Variants in KIZ observed in about 807,000 individuals in gnomAD.
The protein encoded by KIZ is centrosomal protein kizuna.
In KIZ, 68 loss-of-function variants were observed where a neutral mutation model predicts 79.6. That is an observed-to-expected ratio of 0.85 (90% CI 0.70 to 1.05). KIZ has a LOEUF of 1.05. Among genes scored for constraint, KIZ ranks in the 50% least tolerant of loss-of-function variants. KIZ has a pLI of 0.00. For synonymous variants in KIZ, 280 were observed against 281.8 expected (o/e 0.99, Z 0.06); for missense variants, 797 against 800.4 (o/e 1.00, Z 0.05).
intron 6 of KIZ, among the ~76,000 whole-genome samples, chr20:21,190,379 A>G (rs2035059361): frequency 6.6e-6 from 1 of 152,244 alleles, no homozygotes; most frequent in South Asian, 2.1e-4. Context: ...TAAAAGGATT[A>G]GCGCTAGCCA....
At chr20:21,149,430 C>T (rs911880576) in intron 4 of KIZ, among the ~76,000 whole-genome samples, 7 of 152,186 alleles carry the variant, frequency 4.6e-5, no homozygotes, top group African/African-American at 1.4e-4. Flanking sequence ...ATAAAAGAAG[C>T]GTCCGTTTCG....
At chr20:21,166,163 T>TTTGTCCA in intron 6 of KIZ, 1 of 926,712 alleles carries the variant, frequency 1.1e-6, no homozygotes, top group Admixed American at 2.4e-5. Context: ...TTTTTTTTTT[T>TTTGTCCA]TGTCCATGAG....
chr20:21,201,209 G>T (rs1364861952), intron 6 of KIZ, among the ~76,000 whole-genome samples: 3 of 151,980 alleles, frequency 2.0e-5, no homozygotes, highest in Non-Finnish European at 4.4e-5. Context: ...CATATGCAAA[G>T]TTTACTATTA....
At position 21,126,156 on chromosome 20, in the gene KIZ, C is replaced by T. The variant is rs1406627070; in HGVS notation, c.41C>T (p.Pro14Leu). Residue 14 changes from proline to leucine, a missense_variant, in exon 1 of 13, where the codon CCC (proline) becomes CTC (leucine). Physicochemically the swap from Pro to Leu is moderately conservative, Grantham distance 98. Transcript: ENST00000619189. ...GCATCGGCCGTGCCCCTGTCGAGTC[C>T]CGACTACTACGAGAGGCTGGGCCAA... ...TLASAVPLSS[P>L]DYYERLGQLQ... The T allele has an allele frequency of 2.6e-6, 4 of 1,511,572 alleles. No individual in the cohort carries two copies. Among genetic ancestry groups the T allele is most frequent in the Non-Finnish European group, 3.5e-6 (4 of 1,128,836 alleles). 93.6% of individuals were successfully genotyped at this position (1,511,572 alleles called of 1,614,324 possible). A position where few individuals can be genotyped will look rare whatever the true frequency, so the allele number is the denominator to read the frequency against.
chr20:21,227,792 A>T lies in KIZ; in HGVS notation c.1679-1219A>T, dbSNP rs570695809. Among the ~76,000 whole-genome samples, 27 of 152,296 alleles carry T rather than the reference A, an allele frequency of 1.8e-4. No individual in the cohort carries two copies. The South Asian group carries it at 2.1e-3, about 12-fold the overall frequency. On this transcript the variant is annotated intron_variant, in intron 9 of 12. Transcript: ENST00000619189. ...CACACATACACACATTACACAAAAC[A>T]GTACTTTCCCCTCTGTATGCACTGT...
At chr20:21,169,575 C>G (rs1009724958) in intron 6 of KIZ, among the ~76,000 whole-genome samples, 2 of 152,222 alleles carry the variant, frequency 1.3e-5, no homozygotes, top group African/African-American at 4.8e-5. Flanking sequence ...TATCCCATTA[C>G]TGGGTATATA....
At chr20:21,245,251 A>G (rs2037349872) in intron 12 of KIZ, 1 of 152,192 alleles carries the variant, frequency 6.6e-6, no homozygotes. Context: ...AGGCCTAGGA[A>G]TCTGCCTTTT....
chr20:21,141,819 A>ACTCTCTCT (rs772824213), intron 3 of KIZ, among the ~76,000 whole-genome samples: 4 of 142,394 alleles, frequency 2.8e-5, no homozygotes, highest in Admixed American at 2.8e-4. Flanking sequence ...ACACACACAC[A>ACTCTCTCT]CACACTCTCT....
chr20:21,216,691 T>C (rs1431998622), intron 9 of KIZ, among the ~76,000 whole-genome samples: 2 of 152,220 alleles, frequency 1.3e-5, no homozygotes, highest in African/African-American at 2.4e-5. Context: ...GAAATGTAGA[T>C]GATCCCAAAC....
chr20:21,240,762 TC>T (rs765235587), intron 11 of KIZ, among the ~76,000 whole-genome samples: 4 of 152,256 alleles, frequency 2.6e-5, no homozygotes, highest in Non-Finnish European at 5.9e-5. Context: ...GGAAGAAAAT[TC>T]AAAGAATAAT....
chr20:21,133,196 A>G (rs146588827), intron 2 of KIZ: 12 of 152,364 alleles, frequency 7.9e-5, no homozygotes, highest in African/African-American at 1.9e-4. Context: ...CAAATTACCT[A>G]TTAGGTCAGT....
At chr20:21,191,175 A>G (rs535493113) in intron 6 of KIZ, among the ~76,000 whole-genome samples, 1 of 152,360 alleles carries the variant, frequency 6.6e-6, no homozygotes, top group South Asian at 2.1e-4. Context: ...TATTCAACAA[A>G]TAGTTACTAG....
Position 21,153,428 on chromosome 20 carries a change from C to A in KIZ, c.405+7774C>A, listed in dbSNP as rs144035074. 7.2e-5 allele frequency among the ~76,000 whole-genome samples: 11 copies of A among 151,874 alleles called. No homozygotes were observed. In the East Asian group the frequency reaches 1.9e-3, roughly 27 times the overall value. Reference sequence around the variant, plus strand: ...TAATTTACAGAATACACCATTAAAGCCTAATTTAACAGATATATCTTAAAT... The same window carrying A: ...TAATTTACAGAATACACCATTAAAGACTAATTTAACAGATATATCTTAAAT... On this transcript the variant is annotated intron_variant, in intron 4 of 12. Coordinates refer to ENST00000619189, the MANE Select transcript of KIZ (RefSeq NM_018474.6).
chr20:21,205,658 T>TAA (rs11478463), intron 7 of KIZ, 74 bp downstream of exon 7: 320 of 498,668 alleles, frequency 6.4e-4, no homozygotes, highest in South Asian at 1.5e-3. Flanking sequence ...AATTTTTATT[T>TAA]AAAAAAAAAA....
intron 3 of KIZ, among the ~76,000 whole-genome samples, chr20:21,144,678 T>C (rs1478902128): frequency 6.6e-6 from 1 of 152,188 alleles, no homozygotes; most frequent in Non-Finnish European, 1.5e-5. Flanking sequence ...TCAGTTTGGT[T>C]ATTATTGCCC....
intron 6 of KIZ, among the ~76,000 whole-genome samples, chr20:21,181,626 T>A (rs918647819): frequency 1.3e-5 from 2 of 152,096 alleles, no homozygotes; most frequent in African/African-American, 2.4e-5. Context: ...GCCTGGCTAA[T>A]TTTTGTATTT....
intron 5 of KIZ, 84 bp downstream of exon 5, chr20:21,162,591 C>G: frequency 9.5e-7 from 1 of 1,053,210 alleles, no homozygotes; most frequent in East Asian, 2.5e-5. Context: ...AATTATCTCT[C>G]TTTCATAAAA....
chr20:21,136,186 G>T (rs376705946), intron 2 of KIZ, among the ~76,000 whole-genome samples: 14 of 152,076 alleles, frequency 9.2e-5, no homozygotes, highest in East Asian at 3.9e-4. Flanking sequence ...ATGCTTAGAG[G>T]AAACCGATAT....
intron 3 of KIZ, among the ~76,000 whole-genome samples, chr20:21,137,676 A>T (rs1460351307): frequency 6.6e-6 from 1 of 151,792 alleles, no homozygotes; most frequent in Non-Finnish European, 1.5e-5. Context: ...TGCAGGCATC[A>T]TGACACTTCT....
Sources: allele counts gnomAD v4.1 joint callset (sites outside exome capture counted in the v4.1 genomes callset), GRCh38; gene constraint gnomAD v4.1.1; transcripts MANE v1.5; gene names NCBI Gene and HGNC (gene_info 2026-07-23, HGNC 2026-07-21).